USH2A: variants seen among roughly 807,000 people sequenced by gnomAD.
USH2A encodes usherin, also known as Usher syndrome 2A (autosomal recessive, mild).
USH2A carries 443 observed loss-of-function variants against 538.9 expected under a neutral mutation model. The observed-to-expected ratio is 0.82, with a 90% CI of 0.76 to 0.89. The LOEUF (loss-of-function observed/expected upper bound fraction) is 0.89, where lower values mean the gene tolerates loss of function less well. Among genes scored for constraint, USH2A ranks in the 40% least tolerant of loss-of-function variants. USH2A has a pLI of 0.00. For missense variants in USH2A, 6,633 were observed against 6,324.8 expected, an observed-to-expected ratio of 1.05 and a Z score of -1.65; for synonymous variants, 2,413 against 2,273.5, an observed-to-expected ratio of 1.06 and a Z score of -1.75.
At position 215,888,663 on chromosome 1, in the gene USH2A, T is replaced by C; in HGVS notation, c.7986A>G (p.Arg2662=). Residue 2662 remains arginine, a synonymous_variant, in exon 41 of 72, where the codon AGA becomes AGG. Transcript: ENST00000307340. The part of the protein sequence containing the change: ...GLVENFTIER[R]VKGKEEVTTL... ...TAGTAACTTCTTCCTTTCCTTTGAC[T>C]CTTCTCTCAATTGTGAAATTCTCCA... is the stretch of plus-strand genomic sequence containing the variant. 1.2e-6 allele frequency: 2 copies of C among 1,614,172 alleles called. No homozygotes were observed.
intron 20 of USH2A, among the ~76,000 whole-genome samples, chr1:216,179,539 A>AGGT (rs1460293496): frequency 2.0e-5 from 3 of 152,120 alleles, no homozygotes; most frequent in African/African-American, 7.2e-5. Context: ...ACATTCCAGT[A>AGGT]GGTGTGTTTT....
chr1:215,698,575 T>G (rs1658894755), intron 61 of USH2A, among the ~76,000 whole-genome samples: 1 of 152,250 alleles, frequency 6.6e-6, no homozygotes, highest in South Asian at 2.1e-4. Context: ...TAATTACCAG[T>G]GATATGAGGC....
chr1:215,750,129 A>G (rs1660580889), intron 58 of USH2A, among the ~76,000 whole-genome samples: 1 of 152,164 alleles, frequency 6.6e-6, no homozygotes. Flanking sequence ...TGATAGAGGC[A>G]TTTGTTTCAA....
Position 216,012,578 on chromosome 1 carries a change from A to G in USH2A, c.6326-12016T>C, listed in dbSNP as rs141170443. ...ACAGTCTGATAACAGACCAGCCTTT[A>G]TTAGCCAAATCAGCCAAGCAGTTTT... is the stretch of plus-strand genomic sequence containing the variant. On this transcript the variant is annotated intron_variant, in intron 32 of 71. Transcript: ENST00000307340. Among the ~76,000 whole-genome samples, 284 of 152,214 alleles carry G rather than the reference A, an allele frequency of 1.9e-3. 5 individuals are homozygous for G. In the East Asian group the frequency reaches 0.051, roughly 27 times the overall value.
chr1:216,070,303 A>G lies in USH2A; in HGVS notation c.5858-11T>C, dbSNP rs761910939. On this transcript the variant is annotated splice_polypyrimidine_tract_variant and intron_variant, in intron 29 of 71. Coordinates refer to ENST00000307340, the MANE Select transcript of USH2A (RefSeq NM_206933.4). ...GCACACTTTGTGGAGCTGTGAAGGA[A>G]TAAAAGAGAAAATAGGGAAAATGGC... The G allele has an allele frequency of 6.2e-7, 1 of 1,613,560 alleles. No homozygotes were observed. Among genetic ancestry groups the G allele is most frequent in the Non-Finnish European group, 8.5e-7 (1 of 1,179,726 alleles).
chr1:216,123,076 G>A (rs998041917), intron 21 of USH2A, among the ~76,000 whole-genome samples: 1 of 152,070 alleles, frequency 6.6e-6, no homozygotes, highest in African/African-American at 2.4e-5. Flanking sequence ...TGTTTCTCAT[G>A]GTTCATTTAT....
chr1:215,967,649 A>G lies in USH2A; in HGVS notation c.6958-2170T>C, dbSNP rs1405184627. Among the ~76,000 whole-genome samples, 7 of 152,098 alleles carry G rather than the reference A, an allele frequency of 4.6e-5. No homozygotes were observed. In the East Asian group the frequency reaches 1.3e-3, roughly 29 times the overall value. On this transcript the variant is annotated intron_variant, in intron 36 of 71. Transcript: ENST00000307340. ...GTATAGGGATTTAAGGGGTTTAAGCAGGTTGAAGGCAGACTTCCCCTATAG... is the reference window on the plus strand; with the variant it reads ...GTATAGGGATTTAAGGGGTTTAAGCGGGTTGAAGGCAGACTTCCCCTATAG...
intron 25 of USH2A, among the ~76,000 whole-genome samples, chr1:216,084,184 T>TC (rs1392668851): frequency 1.3e-5 from 2 of 151,858 alleles, no homozygotes; most frequent in Non-Finnish European, 2.9e-5. Context: ...CACTTACACC[T>TC]CCCCTTTCAT....
At chr1:216,183,722 A>G (rs756564848) in intron 20 of USH2A, among the ~76,000 whole-genome samples, 16 of 152,034 alleles carry the variant, frequency 1.1e-4, no homozygotes, top group Admixed American at 2.6e-4. Context: ...ATTCATGGCA[A>G]TCTGCGAGCA....
At chr1:215,652,739 A>T (rs1657121126) in intron 64 of USH2A, among the ~76,000 whole-genome samples, 1 of 152,230 alleles carries the variant, frequency 6.6e-6, no homozygotes, top group African/African-American at 2.4e-5. Flanking sequence ...GGGGACACCT[A>T]TTATTACACA....
At chr1:216,111,001 G>A (rs984462945) in intron 21 of USH2A, among the ~76,000 whole-genome samples, 5 of 152,090 alleles carry the variant, frequency 3.3e-5, no homozygotes, top group African/African-American at 7.2e-5. Flanking sequence ...CAAGGCAAGC[G>A]GATCACTTTA....
At position 216,207,273 on chromosome 1, in the gene USH2A, T is replaced by C. The variant is rs1475619223; in HGVS notation, c.3316A>G (p.Ser1106Gly). The change falls in exon 16 of 72, where the codon AGT becomes GGT. Residue 1106 changes from serine (S) to glycine (G), a missense_variant and splice_region_variant. Ser to Gly is a moderately conservative substitution (Grantham distance 56, BLOSUM62 0). Coordinates refer to ENST00000307340, the MANE Select transcript of USH2A (RefSeq NM_206933.4). ...TCTATTACCAAACCCTTAAACTCAC[T>C]GTATGGGTATTGATCCTCTGTTGTG... ...IYTTEDQYPY[S>G]IQYFLDTDLL... is the part of the protein sequence containing the mutation. 1 of 1,613,958 alleles carries C rather than the reference T, an allele frequency of 6.2e-7. No individual in the cohort carries two copies. Among genetic ancestry groups the C allele is most frequent in the South Asian group, 1.1e-5 (1 of 91,082 alleles).
chr1:216,168,628 G>A (rs2034216411), intron 21 of USH2A, among the ~76,000 whole-genome samples: 1 of 152,090 alleles, frequency 6.6e-6, no homozygotes, highest in South Asian at 2.1e-4. Flanking sequence ...TAACAAATTT[G>A]CTACAAGATA....
intron 37 of USH2A, among the ~76,000 whole-genome samples, chr1:215,936,281 T>C (rs547432537): frequency 2.6e-5 from 4 of 152,048 alleles, no homozygotes; most frequent in Non-Finnish European, 5.9e-5. Context: ...ATACTAAAAG[T>C]GATCTTGCAT....
intron 61 of USH2A, among the ~76,000 whole-genome samples, chr1:215,682,454 T>C (rs183201909): frequency 1.3e-5 from 2 of 152,124 alleles, no homozygotes; most frequent in Non-Finnish European, 1.5e-5. Flanking sequence ...TTTGGTAACA[T>C]GAGTACTTAA....
At chr1:215,721,971 G>GA (rs1659674374) in intron 61 of USH2A, among the ~76,000 whole-genome samples, 2 of 151,782 alleles carry the variant, frequency 1.3e-5, no homozygotes, top group Admixed American at 1.3e-4. Flanking sequence ...AGGCTGAGGA[G>GA]GGAGGATCAC....
chr1:215,826,521 T>C (rs570283107), intron 47 of USH2A, among the ~76,000 whole-genome samples: 7 of 152,188 alleles, frequency 4.6e-5, no homozygotes, highest in Non-Finnish European at 1.0e-4. Context: ...CAATTAGGCC[T>C]GAGCTTTAGA....
rs758792895 is a variant in USH2A, at chr1:216,422,072, G to A, written c.265C>T (p.Pro89Ser). 6 of 1,613,748 alleles carry A rather than the reference G, an allele frequency of 3.7e-6. No homozygotes were observed. In the East Asian group the frequency reaches 1.1e-4, roughly 30 times the overall value. Residue 89 changes from proline to serine, a missense_variant, in exon 2 of 72, where the codon CCA (proline) becomes TCA (serine). Transcript: ENST00000307340. The stretch of plus-strand genomic sequence containing the variant: ...TAGGTAGGGTGTGAAGATCTGTATG[G>A]GCAATCCTGAATACAAAACCGCTGG... ...CTQRFCIQDC[P>S]YRSSHPTYTA... is the part of the protein sequence containing the mutation.
intron 26 of USH2A, among the ~76,000 whole-genome samples, chr1:216,082,571 TCTC>T (rs1353523108): frequency 7.2e-5 from 11 of 152,214 alleles, no homozygotes; most frequent in Middle Eastern, 3.4e-3. Flanking sequence ...TTCATATTTT[TCTC>T]CTGTTTCTAT....
Sources: allele counts gnomAD v4.1 joint callset (sites outside exome capture counted in the v4.1 genomes callset), GRCh38; gene constraint gnomAD v4.1.1; transcripts MANE v1.5; gene names NCBI Gene and HGNC (gene_info 2026-07-23, HGNC 2026-07-21).